The following ACSS3 variants were observed in gnomAD, a reference collection of about 807,000 sequenced individuals.
The protein encoded by ACSS3 is acyl-CoA synthetase short chain family member 3.
A neutral mutation model predicts 84.2 loss-of-function variants in ACSS3; 64 were observed. That is an observed-to-expected ratio of 0.76 (90% CI 0.62 to 0.94). ACSS3 has a LOEUF of 0.94. ACSS3 is among the 40% of genes least tolerant of loss of function. The probability of loss-of-function intolerance (pLI) is 0.00; values close to 1 mark genes in which losing one functional copy is unlikely to be tolerated. For missense variants in ACSS3, 815 were observed against 867.6 expected (o/e 0.94, Z 0.76); for synonymous variants, 317 against 310.1 (o/e 1.02, Z -0.23).
intron 4 of ACSS3, 50 bp from the exon 5 acceptor site, chr12:81,143,057 T>G (rs771922565): frequency 6.9e-7 from 1 of 1,454,026 alleles, no homozygotes; most frequent in Admixed American, 2.0e-5. Flanking sequence ...TTTGTTCTCT[T>G]GATTTAATCT....
chr12:81,258,492 T>C lies in ACSS3; in HGVS notation c.*3570T>C, dbSNP rs2034429294. ...ATGGTATTATTAAATAGGCTTTACT[T>C]TGAATCTCCCATATAAACAAAGAAT... On this transcript the variant is annotated 3_prime_UTR_variant, in exon 16 of 16. Coordinates refer to ENST00000548058, the MANE Select transcript of ACSS3 (RefSeq NM_024560.4). 1 of 152,130 alleles carries C rather than the reference T, an allele frequency of 6.6e-6. No homozygotes were observed. The highest frequency in any genetic ancestry group is 1.5e-5 in the Non-Finnish European group (1 of 68,016). 9.4% of individuals were successfully genotyped at this position (152,130 alleles called of 1,614,324 possible). A position where few individuals can be genotyped will look rare whatever the true frequency, so the allele number is the denominator to read the frequency against.
intron 8 of ACSS3, among the ~76,000 whole-genome samples, chr12:81,197,943 C>A (rs895742993): frequency 6.6e-6 from 1 of 152,108 alleles, no homozygotes; most frequent in Admixed American, 6.6e-5. Flanking sequence ...ATATGTGCTA[C>A]CCCCGCTTAG....
At position 81,109,654 on chromosome 12, in the gene ACSS3, C is replaced by A; in HGVS notation, c.406C>A (p.Pro136Thr). The A allele has an allele frequency of 1.2e-6, 2 of 1,610,928 alleles. No homozygotes were observed. Among genetic ancestry groups the A allele is most frequent in the Non-Finnish European group, 1.7e-6 (2 of 1,178,632 alleles). Residue 136 changes from proline to threonine, a missense_variant, in exon 2 of 16, where the codon CCT becomes ACT. Pro to Thr is a conservative substitution (Grantham distance 38). Coordinates refer to ENST00000548058, the MANE Select transcript of ACSS3 (RefSeq NM_024560.4). ...TAAGATTGCTATCATCTATGACAGT[C>A]CTGTTACAAACACTAAAGCAACCTT... is the stretch of plus-strand genomic sequence containing the variant. Reference protein sequence around the residue: ...GDKIAIIYDSPVTNTKATFTY... With the variant: ...GDKIAIIYDSTVTNTKATFTY...
In ACSS3 at chr12:81,107,529, T is replaced by C. The variant is rs867453196; in HGVS notation, c.312-2031T>C. Reference sequence around the variant, plus strand: ...ATATATACATATATATATATATATATATATATATATATATATATATATATA... The same window carrying C: ...ATATATACATATATATATATATATACATATATATATATATATATATATATA... On this transcript the variant is annotated intron_variant, in intron 1 of 15. Coordinates refer to ENST00000548058, the MANE Select transcript of ACSS3 (RefSeq NM_024560.4). Among the ~76,000 whole-genome samples, 84 of 97,606 alleles carry C rather than the reference T, an allele frequency of 8.6e-4. 2 individuals are homozygous for C. In the East Asian group the frequency reaches 0.013, roughly 15 times the overall value. The allele number at this position is 97,606 out of a possible 152,430, so 64.0% of individuals were successfully genotyped here. A position where few individuals can be genotyped will look rare whatever the true frequency, so the allele number is the denominator to read the frequency against.
At chr12:81,234,965 A>C (rs2033582926) in intron 13 of ACSS3, among the ~76,000 whole-genome samples, 1 of 151,324 alleles carries the variant, frequency 6.6e-6, no homozygotes, top group African/African-American at 2.4e-5. Context: ...TGTATATAAA[A>C]ATGCTTTCCT....
At chr12:81,094,184 C>CTGTGTGTGTG (rs34746505) in intron 1 of ACSS3, among the ~76,000 whole-genome samples, 11 of 146,666 alleles carry the variant, frequency 7.5e-5, no homozygotes, top group Non-Finnish European at 1.3e-4. Context: ...GTCTCTCTCT[C>CTGTGTGTGTG]TGTGTGTGTG....
At chr12:81,227,046 A>T (rs1180001726) in intron 11 of ACSS3, among the ~76,000 whole-genome samples, 1 of 151,022 alleles carries the variant, frequency 6.6e-6, no homozygotes, top group East Asian at 2.0e-4. Context: ...TGTTTTAAGG[A>T]ATTAGCTCAT....
intron 7 of ACSS3, among the ~76,000 whole-genome samples, chr12:81,157,852 G>T (rs1329853035): frequency 6.6e-6 from 1 of 150,622 alleles, no homozygotes; most frequent in Non-Finnish European, 1.5e-5. Flanking sequence ...AGGAAGAAAA[G>T]GCATACACAC....
chr12:81,097,345 A>G (rs1402947109), intron 1 of ACSS3, among the ~76,000 whole-genome samples: 1 of 152,198 alleles, frequency 6.6e-6, no homozygotes, highest in Non-Finnish European at 1.5e-5. Flanking sequence ...AATCAGTTAT[A>G]TGTTCCAATA....
chr12:81,131,685 G>A (rs1885514873), intron 2 of ACSS3, among the ~76,000 whole-genome samples: 1 of 152,172 alleles, frequency 6.6e-6, no homozygotes, highest in South Asian at 2.1e-4. Flanking sequence ...TGGTGAGAGA[G>A]GGCATCCCTG....
Position 81,253,513 on chromosome 12 carries a change from A to G in ACSS3, c.1838A>G (p.Glu613Gly). 1 of 1,613,882 alleles carries G rather than the reference A, an allele frequency of 6.2e-7. No homozygotes were observed. The highest frequency in any genetic ancestry group is 8.5e-7 in the Non-Finnish European group (1 of 1,179,844). ...VLRKDINATEEQVLEEIVKHV... is the reference protein window; with the variant it reads ...VLRKDINATEGQVLEEIVKHV... ...TCTCTAGATATAAATGCAACAGAGG[A>G]GCAAGTTTTGGAAGAAATTGTGAAA... is the stretch of plus-strand genomic sequence containing the variant. Residue 613 changes from glutamate (E) to glycine (G), a missense_variant, in exon 15 of 16, where the codon GAG becomes GGG. Glu to Gly is a moderately conservative substitution (Grantham distance 98). Coordinates refer to ENST00000548058, the MANE Select transcript of ACSS3 (RefSeq NM_024560.4).
intron 9 of ACSS3, among the ~76,000 whole-genome samples, chr12:81,213,350 T>C (rs2135931689): frequency 1.3e-5 from 2 of 152,228 alleles, no homozygotes; most frequent in East Asian, 3.9e-4. Context: ...AGGAAATATG[T>C]ATATGTTTAT....
intron 1 of ACSS3, among the ~76,000 whole-genome samples, chr12:81,106,270 C>T (rs1013063878): frequency 2.0e-5 from 3 of 151,952 alleles, no homozygotes; most frequent in Non-Finnish European, 2.9e-5. Flanking sequence ...CATAGGAACA[C>T]AAGCCATATT....
At chr12:81,155,933 T>A (rs1886841239) in intron 7 of ACSS3, among the ~76,000 whole-genome samples, 2 of 152,172 alleles carry the variant, frequency 1.3e-5, no homozygotes, top group African/African-American at 4.8e-5. Context: ...AAAACTATTC[T>A]CGACAGCAGC....
chr12:81,084,413 CT>C (rs891706493), intron 1 of ACSS3, among the ~76,000 whole-genome samples: 1 of 152,068 alleles, frequency 6.6e-6, no homozygotes, highest in Non-Finnish European at 1.5e-5. Context: ...CACATAGTGA[CT>C]TTTTGGCAGC....
At chr12:81,117,359 A>C (rs1884131718) in intron 2 of ACSS3, among the ~76,000 whole-genome samples, 1 of 152,214 alleles carries the variant, frequency 6.6e-6, no homozygotes, top group South Asian at 2.1e-4. Flanking sequence ...ATTAGGTATA[A>C]GTGAAGAACA....
chr12:81,232,361 T>G (rs2033495204), intron 12 of ACSS3, among the ~76,000 whole-genome samples: 1 of 151,784 alleles, frequency 6.6e-6, no homozygotes, highest in African/African-American at 2.4e-5. Context: ...CTCAAACCTG[T>G]TATTTGAGGA....
chr12:81,135,094 C>A, intron 3 of ACSS3, 90 bp downstream of exon 3: 1 of 1,074,010 alleles, frequency 9.3e-7, no homozygotes, highest in Non-Finnish European at 1.2e-6. Flanking sequence ...ATGCTCTATA[C>A]TTGTTAGATC....
chr12:81,144,691 T>G (rs1027520456), intron 5 of ACSS3, among the ~76,000 whole-genome samples: 7 of 152,276 alleles, frequency 4.6e-5, no homozygotes, highest in African/African-American at 1.4e-4. Context: ...ATAAAAACAT[T>G]TGTGCTACCT....
Sources: gnomAD v4.1 joint callset for allele counts (sites outside exome capture counted in the v4.1 genomes callset) on GRCh38, gnomAD v4.1.1 for gene constraint, MANE v1.5 for transcripts, NCBI Gene and HGNC (gene_info 2026-07-23, HGNC 2026-07-21) for gene names.